Variants in RAB40B observed in about 807,000 individuals in gnomAD.
RAB40B encodes the protein RAB40B, member RAS oncogene family.
A neutral mutation model predicts 24.0 loss-of-function variants in RAB40B; 21 were observed. That is an observed-to-expected ratio of 0.88 (90% CI 0.62 to 1.26). RAB40B has a LOEUF of 1.26. RAB40B is among the 50% of genes most tolerant of loss of function. The pLI is 0.00. For missense variants in RAB40B, 348 were observed against 390.5 expected (o/e 0.89, Z 0.92); for synonymous variants, 167 against 169.8 (o/e 0.98, Z 0.13).
At chr17:82,695,834 T>C (rs2143565867) in intron 1 of RAB40B, among the ~76,000 whole-genome samples, 1 of 152,192 alleles carries the variant, frequency 6.6e-6, no homozygotes, top group African/African-American at 2.4e-5. Context: ...GTGATATCAG[T>C]TTTTTCTACA....
At chr17:82,690,768 T>G (rs957864360) in intron 1 of RAB40B, among the ~76,000 whole-genome samples, 2 of 144,958 alleles carry the variant, frequency 1.4e-5, no homozygotes, top group African/African-American at 2.6e-5. Context: ...CAGGGGAAGA[T>G]CTGCAGAATT....
intron 1 of RAB40B, among the ~76,000 whole-genome samples, chr17:82,685,731 G>A (rs1192509985): frequency 6.6e-6 from 1 of 152,092 alleles, no homozygotes; most frequent in East Asian, 1.9e-4. Flanking sequence ...GGGTTGAAGT[G>A]TCCCCCAAAG....
At chr17:82,680,746 T>A (rs2046440984) in intron 1 of RAB40B, among the ~76,000 whole-genome samples, 2 of 152,194 alleles carry the variant, frequency 1.3e-5, no homozygotes, top group South Asian at 4.1e-4. Context: ...AAATATAATT[T>A]CTGGGCCAGG....
chr17:82,689,884 T>C (rs2046537910), intron 1 of RAB40B, among the ~76,000 whole-genome samples: 1 of 151,530 alleles, frequency 6.6e-6, no homozygotes, highest in South Asian at 2.1e-4. Context: ...AGAGAATTGC[T>C]TGGACCCAGG....
chr17:82,695,965 G>A (rs1282846346), intron 1 of RAB40B, among the ~76,000 whole-genome samples: 1 of 152,018 alleles, frequency 6.6e-6, no homozygotes, highest in East Asian at 1.9e-4. Context: ...CGCCTCCCGG[G>A]TTCAAGCAAT....
chr17:82,661,939 C>G lies in RAB40B; in HGVS notation c.204-892G>C, dbSNP rs558418843. Reference sequence around the variant, plus strand: ...GAAACAAATGAGGGTGGAAAGGGTGCTCCCCAGGGATCAGTTCCCAGAGGA... The same window carrying G: ...GAAACAAATGAGGGTGGAAAGGGTGGTCCCCAGGGATCAGTTCCCAGAGGA... On this transcript the variant is annotated intron_variant, in intron 2 of 5. Transcript: ENST00000571995. The G allele has an allele frequency of 1.2e-4, 115 of 983,616 alleles. No individual in the cohort carries two copies. In the African/African-American group the frequency reaches 2.0e-3, roughly 17 times the overall value. 60.9% of individuals were successfully genotyped at this position (983,616 alleles called of 1,614,324 possible). A position where few individuals can be genotyped will look rare whatever the true frequency, so the allele number is the denominator to read the frequency against.
rs532881773 is a variant in RAB40B, at chr17:82,692,889, G to A, written c.142+5566C>T. 6.6e-6 allele frequency among the ~76,000 whole-genome samples: 1 copy of A among 152,246 alleles called. No homozygotes were observed. The highest frequency in any genetic ancestry group is 1.9e-4 in the East Asian group (1 of 5,184). ...TATCCAGGATCACACAGCCGACAAA[G>A]GACTCACAGCCAGAATCTATATTTT... is the stretch of plus-strand genomic sequence containing the variant. On this transcript the variant is annotated intron_variant, in intron 1 of 5. Coordinates refer to ENST00000571995, the MANE Select transcript of RAB40B (RefSeq NM_006822.3). The surrounding 1 kb of genome is among the most constrained non-coding windows in gnomAD (Gnocchi z 4.0).
chr17:82,678,914 G>A (rs1468414450), intron 1 of RAB40B, among the ~76,000 whole-genome samples: 5 of 111,520 alleles, frequency 4.5e-5, no homozygotes, highest in African/African-American at 1.8e-4. Flanking sequence ...ACGGAGTCTC[G>A]CTCTGTCGCC....
chr17:82,680,135 C>T (rs555187112), intron 1 of RAB40B, among the ~76,000 whole-genome samples: 1 of 152,356 alleles, frequency 6.6e-6, no homozygotes, highest in African/African-American at 2.4e-5. Flanking sequence ...GGAGGCCTGG[C>T]AGGGTTCGAG....
chr17:82,670,059 C>A (rs1276018343), intron 1 of RAB40B, among the ~76,000 whole-genome samples: 1 of 152,164 alleles, frequency 6.6e-6, no homozygotes, highest in East Asian at 1.9e-4. Flanking sequence ...AAGGGACACT[C>A]ACCCCCACGG....
At chr17:82,671,524 T>C (rs1477652010) in intron 1 of RAB40B, among the ~76,000 whole-genome samples, 31 of 141,762 alleles carry the variant, frequency 2.2e-4, no homozygotes, top group South Asian at 4.6e-4. Context: ...CCCCTGTAAC[T>C]CTAACACACA....
chr17:82,658,089 G>C lies in RAB40B; in HGVS notation c.611C>G (p.Thr204Arg). The C allele has an allele frequency of 6.2e-7, 1 of 1,614,200 alleles. No homozygotes were observed. Among genetic ancestry groups the C allele is most frequent in the Non-Finnish European group, 8.5e-7 (1 of 1,180,024 alleles). ...DLCCRAVVSC[T>R]PVHLVDKLPL... ...GAGCTTGTCCACCAGGTGCACCGGCGTGCAGGACACGACCGCCCGGCAGCA... is the reference window on the plus strand; with the variant it reads ...GAGCTTGTCCACCAGGTGCACCGGCCTGCAGGACACGACCGCCCGGCAGCA... Residue 204 changes from threonine to arginine, a missense_variant, in exon 6 of 6, where the codon ACG becomes AGG. Transcript: ENST00000571995.
At chr17:82,664,655 C>T (rs973298695) in intron 1 of RAB40B, 99 bp from the exon 2 acceptor site, 49 of 1,193,244 alleles carry the variant, frequency 4.1e-5, no homozygotes, top group Non-Finnish European at 5.1e-5. Context: ...ATCAGTGCAA[C>T]TTCCAGGTTT....
At chr17:82,691,160 T>C (rs1313612200) in intron 1 of RAB40B, among the ~76,000 whole-genome samples, 5 of 152,102 alleles carry the variant, frequency 3.3e-5, no homozygotes, top group African/African-American at 1.2e-4. Context: ...ATATAACCTC[T>C]CTCAAGATGA....
rs573229575 is a variant in RAB40B at position 82,674,932 on chromosome 17, C to T, written c.143-10376G>A. Among the ~76,000 whole-genome samples the T allele has an allele frequency of 1.8e-4, 27 of 152,262 alleles. No individual in the cohort carries two copies. The South Asian group carries it at 5.6e-3, about 32-fold the overall frequency. Reference sequence around the variant, plus strand: ...GCATCGTTCAGGCACCAGAATCCAGCCACGCCTGAAACTACACCAGCCCCT... The same window carrying T: ...GCATCGTTCAGGCACCAGAATCCAGTCACGCCTGAAACTACACCAGCCCCT... On this transcript the variant is annotated intron_variant, in intron 1 of 5. Coordinates refer to ENST00000571995, the MANE Select transcript of RAB40B (RefSeq NM_006822.3).
At chr17:82,669,117 C>G (rs1298999967) in intron 1 of RAB40B, among the ~76,000 whole-genome samples, 1 of 146,096 alleles carries the variant, frequency 6.8e-6, no homozygotes, top group Non-Finnish European at 1.5e-5. Context: ...GTGAGAGGAT[C>G]GCTTGAGCCC....
chr17:82,673,529 G>A (rs139236513), intron 1 of RAB40B, among the ~76,000 whole-genome samples: 277 of 152,274 alleles, frequency 1.8e-3, no homozygotes, highest in African/African-American at 5.6e-3. Context: ...GACTTTGCAC[G>A]TCTGAAAATG....
At chr17:82,661,842 G>A (rs1598295327) in intron 2 of RAB40B, 10 of 866,772 alleles carry the variant, frequency 1.2e-5, no homozygotes, top group African/African-American at 1.9e-5. Context: ...AGCTGATATC[G>A]TGCCACTGCA....
chr17:82,686,919 G>A (rs1345210124), intron 1 of RAB40B, among the ~76,000 whole-genome samples: 1 of 151,812 alleles, frequency 6.6e-6, no homozygotes, highest in Non-Finnish European at 1.5e-5. Context: ...CAGTGCTGGG[G>A]CGAAGGGTGC....
Sources: gnomAD v4.1 joint callset for allele counts (sites outside exome capture counted in the v4.1 genomes callset) on GRCh38, gnomAD v4.1.1 for gene constraint, Gnocchi (gnomAD v3.1) non-coding constraint, MANE v1.5 for transcripts, NCBI Gene and HGNC (gene_info 2026-07-23, HGNC 2026-07-21) for gene names.